SLC46A2: variants seen among roughly 807,000 people sequenced by gnomAD.
SLC46A2 encodes solute carrier family 46 member 2, also known as thymic stromal co-transporter.
A neutral mutation model predicts 33.1 loss-of-function variants in SLC46A2; 25 were observed. The observed-to-expected ratio is 0.76, with a 90% CI of 0.55 to 1.06. SLC46A2 has a LOEUF of 1.06. Among genes scored for constraint, SLC46A2 ranks in the 50% least tolerant of loss-of-function variants. The pLI, the probability that SLC46A2 is intolerant of heterozygous loss-of-function variation, is 0.00. For missense variants in SLC46A2, 622 were observed against 621.7 expected (o/e 1.00, Z 0.00); for synonymous variants, 254 against 275.9 (o/e 0.92, Z 0.79).
intron 3 of SLC46A2, among the ~76,000 whole-genome samples, chr9:112,882,683 T>C (rs1841595504): frequency 6.6e-6 from 1 of 151,828 alleles, no homozygotes; most frequent in Non-Finnish European, 1.5e-5. Flanking sequence ...CCTGATTGAT[T>C]GGAGGTGGGG....
At chr9:112,887,225 C>A (rs1841652816) in intron 2 of SLC46A2, 105 bp downstream of exon 2, 10 of 990,514 alleles carry the variant, frequency 1.0e-5, no homozygotes, top group African/African-American at 1.6e-5. Flanking sequence ...TTCAAAGATG[C>A]TTCTGGAACT....
Position 112,889,848 on chromosome 9 carries a change from G to A in SLC46A2, c.834C>T (p.Pro278=). 6.2e-7 allele frequency: 1 copy of A among 1,614,224 alleles called. No homozygotes were observed. The highest frequency in any genetic ancestry group is 8.5e-7 in the Non-Finnish European group (1 of 1,180,038). ...GHPPSPGKAK[P]HKTTIALLFV... ...AGAGCAAGGCAATGGTGGTTTTATG[G>A]GGTTTTGCTTTTCCAGGAGATGGAG... is the stretch of plus-strand genomic sequence containing the variant. Residue 278 remains proline (P), a synonymous_variant, in exon 1 of 4, where the codon CCC becomes CCT. Coordinates refer to ENST00000374228, the MANE Select transcript of SLC46A2 (RefSeq NM_033051.4).
Position 112,886,458 on chromosome 9 carries a change from A to G in SLC46A2, c.1370+2T>C. 6.2e-7 allele frequency: 1 copy of G among 1,613,896 alleles called. No homozygotes were observed. Among genetic ancestry groups the G allele is most frequent in the East Asian group, 2.2e-5 (1 of 44,880 alleles). On this transcript the variant is annotated splice_donor_variant, in intron 3 of 3. Transcript: ENST00000374228. LOFTEE classifies it high-confidence loss of function. ...AAGCAGCAGATGCTGCTCCCATCCT[A>G]CCTAATTGGAATGATGGCCAGGAAG...
chr9:112,882,352 C>T (rs1841590452), intron 3 of SLC46A2, among the ~76,000 whole-genome samples: 1 of 152,156 alleles, frequency 6.6e-6, no homozygotes, highest in South Asian at 2.1e-4. Context: ...AGCAATTCCC[C>T]CACCTCAGCC....
At position 112,886,496 on chromosome 9, in the gene SLC46A2, G is replaced by A; in HGVS notation, c.1334C>T (p.Ser445Phe). 1.2e-6 allele frequency: 2 copies of A among 1,614,188 alleles called. No homozygotes were observed. Among genetic ancestry groups the A allele is most frequent in the African/African-American group, 2.7e-5 (2 of 75,034 alleles). ...GATGGCCAGGAAGGAGAGAAAGGAGGAGAGAGCAAAGCAGGAGCCCACAAA... is the reference window on the plus strand; with the variant it reads ...GATGGCCAGGAAGGAGAGAAAGGAGAAGAGAGCAAAGCAGGAGCCCACAAA... ...DMFVGSCFAL[S>F]SFLSFLAIIP... The change falls in exon 3 of 4, where the codon TCC becomes TTC. Residue 445 changes from serine (S) to phenylalanine (F), a missense_variant. Physicochemically the swap from Ser to Phe is radical, Grantham distance 155 (BLOSUM62 -2). Coordinates refer to ENST00000374228, the MANE Select transcript of SLC46A2 (RefSeq NM_033051.4).
In SLC46A2 at chr9:112,880,035, A is replaced by G. The variant is rs1841558584; in HGVS notation, c.1371-216T>C. On this transcript the variant is annotated intron_variant, in intron 3 of 3. Coordinates refer to ENST00000374228, the MANE Select transcript of SLC46A2 (RefSeq NM_033051.4). Reference sequence around the variant, plus strand: ...ATTTGCTTCCCCATTGTTCCTTTAGATAGAATCTCTGGGGGCCAGGCATGG... The same window carrying G: ...ATTTGCTTCCCCATTGTTCCTTTAGGTAGAATCTCTGGGGGCCAGGCATGG... 6.7e-6 allele frequency: 3 copies of G among 450,826 alleles called. No individual in the cohort carries two copies. The Admixed American group carries it at 1.0e-4, about 16-fold the overall frequency. 27.9% of individuals were successfully genotyped at this position (450,826 alleles called of 1,614,324 possible). A position where few individuals can be genotyped will look rare whatever the true frequency, so the allele number is the denominator to read the frequency against.
intron 1 of SLC46A2, among the ~76,000 whole-genome samples, chr9:112,889,200 A>T (rs1337245884): frequency 1.3e-5 from 2 of 151,990 alleles, no homozygotes; most frequent in Non-Finnish European, 2.9e-5. Flanking sequence ...TTGAAATTCC[A>T]TCCCTTTAAA....
intron 3 of SLC46A2, among the ~76,000 whole-genome samples, chr9:112,880,834 T>A (rs1300944932): frequency 6.6e-6 from 1 of 152,240 alleles, no homozygotes; most frequent in East Asian, 1.9e-4. Flanking sequence ...TTTATGGCAC[T>A]GAGTGGGGAG....
rs569690205 is a variant in SLC46A2 at position 112,889,091 on chromosome 9, A to G, written c.1129+462T>C. Among the ~76,000 whole-genome samples the G allele has an allele frequency of 3.9e-5, 6 of 152,200 alleles. No homozygotes were observed. In the South Asian group the frequency reaches 1.2e-3, roughly 32 times the overall value. On this transcript the variant is annotated intron_variant, in intron 1 of 3. Transcript: ENST00000374228. ...CTTTTGGTAGAGATGAGGTTTTGCT[A>G]TATTGGCCAGGCTGGTCTTGAACTC...
At chr9:112,880,831 C>T (rs558283302) in intron 3 of SLC46A2, among the ~76,000 whole-genome samples, 10 of 152,250 alleles carry the variant, frequency 6.6e-5, no homozygotes, top group African/African-American at 2.4e-4. Context: ...GAATTTATGG[C>T]ACTGAGTGGG....
rs1363611383 is a variant in SLC46A2, at chr9:112,878,962, A to G, written c.*800T>C. The stretch of plus-strand genomic sequence containing the variant: ...TTATTAGGTGAGTCTGCTTTTATAA[A>G]TCCAAGTAAACAAGGTTATAAAAAT... On this transcript the variant is annotated 3_prime_UTR_variant, in exon 4 of 4. Coordinates refer to ENST00000374228, the MANE Select transcript of SLC46A2 (RefSeq NM_033051.4). 6.6e-6 allele frequency: 1 copy of G among 152,242 alleles called. No individual in the cohort carries two copies. Among genetic ancestry groups the G allele is most frequent in the African/African-American group, 2.4e-5 (1 of 41,458 alleles). The allele number at this position is 152,242 out of a possible 1,614,324, so 9.4% of individuals were successfully genotyped here. A position where few individuals can be genotyped will look rare whatever the true frequency, so the allele number is the denominator to read the frequency against.
intron 1 of SLC46A2, among the ~76,000 whole-genome samples, chr9:112,887,982 A>G (rs1317763747): frequency 6.8e-6 from 1 of 147,320 alleles, no homozygotes; most frequent in Non-Finnish European, 1.5e-5. Flanking sequence ...CAAGAGAGAC[A>G]GATAGAGACA....
chr9:112,890,258 G>C lies in SLC46A2; in HGVS notation c.424C>G (p.Leu142Val), dbSNP rs952865752. 3 of 1,613,226 alleles carry C rather than the reference G, an allele frequency of 1.9e-6. No homozygotes were observed. In the African/African-American group the frequency reaches 4.0e-5, roughly 22 times the overall value. The change falls in exon 1 of 4, where the codon CTG becomes GTG. Residue 142 changes from leucine (L) to valine (V), a missense_variant. By Grantham distance (32) the Leu-to-Val change is conservative. Transcript: ENST00000374228. The surrounding 1 kb of genome is among the most constrained non-coding windows in gnomAD (Gnocchi z 6.0). ...PVEVLYGAAA[L>V]NGLFGGFSAF... is the part of the protein sequence containing the mutation. ...GAGAAGCCGCCGAATAGCCCGTTCA[G>C]CGCCGCCGCCCCGTACAGCACCTCC...
chr9:112,889,817 C>G lies in SLC46A2; in HGVS notation c.865G>C (p.Gly289Arg), dbSNP rs1841702212. Residue 289 changes from glycine to arginine, a missense_variant, in exon 1 of 4, where the codon GGT becomes CGT. Gly to Arg is a moderately radical substitution (Grantham distance 125). Transcript: ENST00000374228. ...ACCGCCAGGTCATATATGATAGCACCCACAAAGAGCAAGGCAATGGTGGTT... is the reference window on the plus strand; with the variant it reads ...ACCGCCAGGTCATATATGATAGCACGCACAAAGAGCAAGGCAATGGTGGTT... ...HKTTIALLFV[G>R]AIIYDLAVVG... 6.2e-7 allele frequency: 1 copy of G among 1,614,038 alleles called. No homozygotes were observed. The highest frequency in any genetic ancestry group is 1.7e-5 in the Admixed American group (1 of 60,000).
At chr9:112,889,280 C>G (rs1588150755) in intron 1 of SLC46A2, among the ~76,000 whole-genome samples, 1 of 152,188 alleles carries the variant, frequency 6.6e-6, no homozygotes, top group Admixed American at 6.5e-5. Flanking sequence ...GAAGCCTCCC[C>G]TACTGACTCC....
chr9:112,880,785 A>C (rs1012026257), intron 3 of SLC46A2, among the ~76,000 whole-genome samples: 1 of 152,126 alleles, frequency 6.6e-6, no homozygotes, highest in Non-Finnish European at 1.5e-5. Flanking sequence ...TCACTGGTAG[A>C]CTGAAATTTT....
Position 112,886,453 on chromosome 9 carries a change from ATCCTACCT to A in SLC46A2, c.1369_1370+6del, listed in dbSNP as rs762777873. On this transcript the variant is annotated splice_donor_variant and splice_donor_5th_base_variant and coding_sequence_variant and intron_variant, in exon 3 of 4. Coordinates refer to ENST00000374228, the MANE Select transcript of SLC46A2 (RefSeq NM_033051.4). LOFTEE classifies it high-confidence loss of function. ...AGCCCAAGCAGCAGATGCTGCTCCCATCCTACCTAATTGGAATGATGGCCAGGAAGGAG... is the reference window on the plus strand; with the variant it reads ...AGCCCAAGCAGCAGATGCTGCTCCCAAATTGGAATGATGGCCAGGAAGGAG... 101 of 1,613,984 alleles carry A rather than the reference ATCCTACCT, an allele frequency of 6.3e-5. No individual in the cohort carries two copies. The highest frequency in any genetic ancestry group is 8.3e-5 in the Non-Finnish European group (98 of 1,179,992).
chr9:112,885,440 G>GTGTATA (rs139663944), intron 3 of SLC46A2: 3 of 147,498 alleles, frequency 2.0e-5, no homozygotes, highest in Non-Finnish European at 3.0e-5. Flanking sequence ...ATATATATGT[G>GTGTATA]TATATATATA....
Position 112,883,595 on chromosome 9 carries a change from AAAG to A in SLC46A2, c.1370+2862_1370+2864del, listed in dbSNP as rs376856814. On this transcript the variant is annotated intron_variant, in intron 3 of 3. Transcript: ENST00000374228. ...AGTTTGCTGTTATTATCATTAAAAA[AAAG>A]AAGATGGATGCAAATGAACATAGGG... is the stretch of plus-strand genomic sequence containing the variant. Among the ~76,000 whole-genome samples the A allele has an allele frequency of 1.1e-3, 165 of 152,252 alleles. 2 individuals carry two copies. The South Asian group carries it at 0.015, about 13-fold the overall frequency.
Sources: allele counts gnomAD v4.1 joint callset (sites outside exome capture counted in the v4.1 genomes callset), GRCh38; gene constraint gnomAD v4.1.1; non-coding constraint Gnocchi (gnomAD v3.1); transcripts MANE v1.5; gene names NCBI Gene and HGNC (gene_info 2026-07-23, HGNC 2026-07-21).